GRAMD1A: variants seen among roughly 807,000 people sequenced by gnomAD.
GRAMD1A encodes the protein protein Aster-A.
A neutral mutation model predicts 92.0 loss-of-function variants in GRAMD1A; 50 were observed. The observed-to-expected ratio is 0.54, with a 90% CI of 0.43 to 0.69. GRAMD1A has a LOEUF of 0.69. GRAMD1A is among the 30% of genes least tolerant of loss of function. The probability of loss-of-function intolerance (pLI) is 0.00; values close to 1 mark genes in which losing one functional copy is unlikely to be tolerated. For missense variants in GRAMD1A, 819 were observed against 978.9 expected (o/e 0.84, Z 2.18); for synonymous variants, 405 against 403.6 (o/e 1.00, Z -0.04).
intron 1 of GRAMD1A, among the ~76,000 whole-genome samples, chr19:35,003,315 A>G (rs1047185270): frequency 1.3e-5 from 2 of 152,164 alleles, no homozygotes; most frequent in African/African-American, 4.8e-5. Flanking sequence ...TTTTCTGACC[A>G]GAGGCTGCTC....
In GRAMD1A at chr19:35,021,867, A is replaced by G. The variant is rs1348235525; in HGVS notation, c.1753+3A>G. ...CCGGGCCGGCATTCACACCTCGGGT[A>G]CGTTCCGTTGGGGCCGGGTTGGGGT... On this transcript the variant is annotated splice_donor_region_variant and intron_variant, in intron 15 of 19. Transcript: ENST00000317991. This position sits in a 1 kb window ranked among gnomAD's most constrained non-coding sequence, Gnocchi z 5.3. 3 of 1,604,806 alleles carry G rather than the reference A, an allele frequency of 1.9e-6. No homozygotes were observed. The highest frequency in any genetic ancestry group is 1.7e-6 in the Non-Finnish European group (2 of 1,174,566).
In GRAMD1A at chr19:35,016,987, C is replaced by G. The variant is rs375264604; in HGVS notation, c.1213+1020C>G. On this transcript the variant is annotated intron_variant, in intron 11 of 19. Coordinates refer to ENST00000317991, the MANE Select transcript of GRAMD1A (RefSeq NM_020895.5). Reference sequence around the variant, plus strand: ...AGAAGTTGGAGACCAGCCTGGGCAACATAATGAGACTCAGTCTTTACAAAA... The same window carrying G: ...AGAAGTTGGAGACCAGCCTGGGCAAGATAATGAGACTCAGTCTTTACAAAA... Among the ~76,000 whole-genome samples the G allele has an allele frequency of 2.7e-5, 4 of 148,670 alleles. No homozygotes were observed. The South Asian group carries it at 6.4e-4, about 24-fold the overall frequency.
At chr19:35,016,076 G>A in intron 11 of GRAMD1A, 109 bp downstream of exon 11, 1 of 1,229,942 alleles carries the variant, frequency 8.1e-7, no homozygotes. Flanking sequence ...GGCAAGGCGA[G>A]GTGGTGAAAA....
chr19:35,000,308 T>C (rs1405661480), upstream of GRAMD1A: 5 of 1,044,264 alleles, frequency 4.8e-6, no homozygotes, highest in Admixed American at 2.2e-4. The surrounding 1 kb of genome is among the most constrained non-coding windows in gnomAD (Gnocchi z 4.9). Flanking sequence ...CGCGGCGGCC[T>C]CCGGCGGCTC....
At position 35,013,064 on chromosome 19, in the gene GRAMD1A, C is replaced by T. The variant is rs2015352603; in HGVS notation, c.607-192C>T. 1 of 563,960 alleles carries T rather than the reference C, an allele frequency of 1.8e-6. No individual in the cohort carries two copies. Among genetic ancestry groups the T allele is most frequent in the Non-Finnish European group, 3.2e-6 (1 of 313,344 alleles). 34.9% of individuals were successfully genotyped at this position (563,960 alleles called of 1,614,324 possible). ...ACTTGGGAAGCAGGAAGTTTGAGTC[C>T]TGGGCGCAGGCCCTGGAGGGGCTGT... On this transcript the variant is annotated intron_variant, in intron 7 of 19. Coordinates refer to ENST00000317991, the MANE Select transcript of GRAMD1A (RefSeq NM_020895.5). This position sits in a 1 kb window ranked among gnomAD's most constrained non-coding sequence, Gnocchi z 4.9.
chr19:35,021,437 G>T lies in GRAMD1A; in HGVS notation c.1476-65G>T. 2 of 1,214,844 alleles carry T rather than the reference G, an allele frequency of 1.6e-6. No individual in the cohort carries two copies. Among genetic ancestry groups the T allele is most frequent in the Non-Finnish European group, 2.4e-6 (2 of 817,866 alleles). The allele number at this position is 1,214,844 out of a possible 1,614,324, so 75.3% of individuals were successfully genotyped here. A position where few individuals can be genotyped will look rare whatever the true frequency, so the allele number is the denominator to read the frequency against. On this transcript the variant is annotated intron_variant, in intron 13 of 19. Coordinates refer to ENST00000317991, the MANE Select transcript of GRAMD1A (RefSeq NM_020895.5). The surrounding 1 kb of genome is among the most constrained non-coding windows in gnomAD (Gnocchi z 5.3). ...TTAGGGGAAGGAAAAAACTCAGCTT[G>T]TGGGACGGGGCAGCCAGGGCTGGAG...
At position 35,011,050 on chromosome 19, in the gene GRAMD1A, C is replaced by T. The variant is rs372873349; in HGVS notation, c.526-424C>T. Among the ~76,000 whole-genome samples the T allele has an allele frequency of 3.4e-3, 506 of 146,890 alleles. 28 individuals are homozygous for T. The South Asian group carries it at 0.089, about 26-fold the overall frequency. ...CCAGGAGGTTGAGGCTGCAGTGAGC[C>T]GTGATCATGCCACTGCACTCCAGCC... On this transcript the variant is annotated intron_variant, in intron 6 of 19. Transcript: ENST00000317991.
chr19:35,012,604 G>A (rs1365664612), intron 7 of GRAMD1A, among the ~76,000 whole-genome samples: 1 of 152,040 alleles, frequency 6.6e-6, no homozygotes, highest in Non-Finnish European at 1.5e-5. Context: ...CAAGTCACTT[G>A]GTGACCTTGA....
chr19:35,011,754 C>T (rs769054995), intron 7 of GRAMD1A, among the ~76,000 whole-genome samples, 200 bp downstream of exon 7: 29 of 152,210 alleles, frequency 1.9e-4, no homozygotes, highest in Non-Finnish European at 1.0e-4. Context: ...TGGTGTAAAC[C>T]GTCGTAATTC....
rs1337959452 is a variant in GRAMD1A at position 35,011,459 on chromosome 19, C to T, written c.526-15C>T. 1 of 1,600,860 alleles carries T rather than the reference C, an allele frequency of 6.2e-7. No homozygotes were observed. The highest frequency in any genetic ancestry group is 8.5e-7 in the Non-Finnish European group (1 of 1,172,318). On this transcript the variant is annotated splice_polypyrimidine_tract_variant and intron_variant, in intron 6 of 19. Coordinates refer to ENST00000317991, the MANE Select transcript of GRAMD1A (RefSeq NM_020895.5). ...CCAACCTGCTCACACCTCTCTCTCT[C>T]TCTCTCCCTGACAGCATTTCTTCAC...
upstream of GRAMD1A, chr19:35,000,296 G>A: frequency 9.6e-7 from 1 of 1,036,934 alleles, no homozygotes; most frequent in Non-Finnish European, 1.2e-6. The surrounding 1 kb of genome is among the most constrained non-coding windows in gnomAD (Gnocchi z 4.9). Context: ...TGTCGCTGAC[G>A]CCGCGGCGGC....
At chr19:35,019,563 T>A in intron 13 of GRAMD1A, 30 bp downstream of exon 13, 1 of 1,608,522 alleles carries the variant, frequency 6.2e-7, no homozygotes, top group Non-Finnish European at 8.5e-7. Context: ...CTCCACCCGA[T>A]GCCCTGGTGG....
chr19:35,020,227 AC>A (rs1018515863), intron 13 of GRAMD1A, among the ~76,000 whole-genome samples: 1 of 152,164 alleles, frequency 6.6e-6, no homozygotes, highest in African/African-American at 2.4e-5. Flanking sequence ...CCCTGTCTCT[AC>A]AAAAACAATT....
chr19:35,016,140 G>A (rs1217228654), intron 11 of GRAMD1A, among the ~76,000 whole-genome samples, 173 bp downstream of exon 11: 1 of 152,198 alleles, frequency 6.6e-6, no homozygotes, highest in Admixed American at 6.5e-5. Context: ...GGGTAGGCTT[G>A]GGCAGAGTTC....
Position 35,023,653 on chromosome 19 carries a change from TC to T in GRAMD1A, c.2082+108del, listed in dbSNP as rs548887482. 417 of 1,113,058 alleles carry T rather than the reference TC, an allele frequency of 3.7e-4. 2 individuals carry two copies. The African/African-American group carries it at 5.2e-3, about 14-fold the overall frequency. The allele number at this position is 1,113,058 out of a possible 1,614,324, so 68.9% of individuals were successfully genotyped here. ...TTCCCCTCTCCGGATCTCAGTGTCC[TC>T]CTCTGTAAAATGAGGAAGCCGCTCA... On this transcript the variant is annotated intron_variant, in intron 19 of 19. Coordinates refer to ENST00000317991, the MANE Select transcript of GRAMD1A (RefSeq NM_020895.5).
intron 10 of GRAMD1A, 156 bp from the exon 11 acceptor site, chr19:35,015,668 C>T: frequency 3.1e-6 from 2 of 653,460 alleles, no homozygotes; most frequent in Non-Finnish European, 5.0e-6. Context: ...CAACCCATCC[C>T]TGAGTCACAG....
At chr19:34,995,695 C>T (rs908273611), upstream of GRAMD1A, among the ~76,000 whole-genome samples, 1 of 151,214 alleles carries the variant, frequency 6.6e-6, no homozygotes, top group African/African-American at 2.4e-5. Flanking sequence ...GTGATCCTAC[C>T]GCCTCAGCCT....
chr19:35,021,759 TC>T lies in GRAMD1A; in HGVS notation c.1650del (p.Gly551AlafsTer9). 1.2e-6 allele frequency: 2 copies of T among 1,613,596 alleles called. No individual in the cohort carries two copies. Among genetic ancestry groups the T allele is most frequent in the Non-Finnish European group, 1.7e-6 (2 of 1,179,892 alleles). On this transcript the variant is annotated frameshift_variant, in exon 15 of 20. Coordinates refer to ENST00000317991, the MANE Select transcript of GRAMD1A (RefSeq NM_020895.5). LOFTEE classifies it high-confidence loss of function. This position sits in a 1 kb window ranked among gnomAD's most constrained non-coding sequence, Gnocchi z 5.3. ...CGGGAAGGATGCCCGGGGCTTGCTATCCGGCCTGCGGCGGCGGAAGCGGCCC... is the reference window on the plus strand; with the variant it reads ...CGGGAAGGATGCCCGGGGCTTGCTATCGGCCTGCGGCGGCGGAAGCGGCCC... The part of the protein sequence containing the change: ...EGGKDARGLL[S>X]GLRRRKRPLS...
At chr19:35,012,986 CAAAA>C (rs1299385076) in intron 7 of GRAMD1A, 6 of 434,878 alleles carry the variant, frequency 1.4e-5, no homozygotes, top group Non-Finnish European at 2.5e-5. Flanking sequence ...AAAAAACAAA[CAAAA>C]AAAGATATAA....
Sources: gnomAD v4.1 joint callset for allele counts (sites outside exome capture counted in the v4.1 genomes callset) on GRCh38, gnomAD v4.1.1 for gene constraint, Gnocchi (gnomAD v3.1) non-coding constraint, MANE v1.5 for transcripts, NCBI Gene and HGNC (gene_info 2026-07-23, HGNC 2026-07-21) for gene names.